HIPK1: variants seen among roughly 807,000 people sequenced by gnomAD.
The protein encoded by HIPK1 is homeodomain-interacting protein kinase 1.
In HIPK1, 28 loss-of-function variants were observed where a neutral mutation model predicts 117.1. The observed-to-expected ratio is 0.24, with a 90% CI of 0.18 to 0.33. The LOEUF (loss-of-function observed/expected upper bound fraction) is 0.33, where lower values mean the gene tolerates loss of function less well. HIPK1 is among the 10% of genes least tolerant of loss of function. HIPK1 has a pLI of 1.00. For synonymous variants in HIPK1, 605 were observed against 562.5 expected (o/e 1.08, Z -1.07); for missense variants, 1,122 against 1,475.1 (o/e 0.76, Z 3.92).
Position 113,976,337 on chromosome 1 carries a change from A to G in HIPK1, c.*2825A>G, listed in dbSNP as rs1673133921. ...TTTGTGTCTCCTTTTTGCCAAGCACATTCTGATTTTCTTGTTGGAACACAG... is the reference window on the plus strand; with the variant it reads ...TTTGTGTCTCCTTTTTGCCAAGCACGTTCTGATTTTCTTGTTGGAACACAG... On this transcript the variant is annotated 3_prime_UTR_variant, in exon 16 of 16. Coordinates refer to ENST00000426820, the MANE Select transcript of HIPK1 (RefSeq NM_198268.3). 1 of 152,342 alleles carries G rather than the reference A, an allele frequency of 6.6e-6. No homozygotes were observed. Among genetic ancestry groups the G allele is most frequent in the South Asian group, 2.1e-4 (1 of 4,834 alleles). 9.4% of individuals were successfully genotyped at this position (152,342 alleles called of 1,614,324 possible).
chr1:113,961,679 C>T (rs1039043968), intron 8 of HIPK1, among the ~76,000 whole-genome samples: 10 of 152,136 alleles, frequency 6.6e-5, no homozygotes, highest in African/African-American at 2.4e-4. Flanking sequence ...GGCACAGTGG[C>T]TCACACCTGT....
intron 13 of HIPK1, among the ~76,000 whole-genome samples, chr1:113,969,593 A>T (rs1244133708): frequency 1.3e-5 from 2 of 152,122 alleles, no homozygotes; most frequent in Admixed American, 1.3e-4. Context: ...CCAGAGACAG[A>T]TCATCTAAGA....
chr1:113,962,810 T>G (rs1672213918), intron 9 of HIPK1, among the ~76,000 whole-genome samples: 1 of 152,198 alleles, frequency 6.6e-6, no homozygotes, highest in Non-Finnish European at 1.5e-5. Flanking sequence ...GCTTCCACTT[T>G]TGCACCCTTT....
At chr1:113,971,688 A>T in intron 14 of HIPK1, 136 bp from the exon 15 acceptor site, 1 of 705,098 alleles carries the variant, frequency 1.4e-6, no homozygotes, top group East Asian at 3.3e-5. Context: ...ATAACAGGTT[A>T]TTTTCTTCTG....
intron 11 of HIPK1, 64 bp from the exon 12 acceptor site, chr1:113,967,700 GTC>G: frequency 8.5e-7 from 1 of 1,172,520 alleles, no homozygotes; most frequent in African/African-American, 1.6e-5. Context: ...TGCTTTTGAT[GTC>G]TGTTTGGTCC....
chr1:113,975,983 T>G lies in HIPK1; in HGVS notation c.*2471T>G, dbSNP rs931186549. 2.6e-5 allele frequency: 4 copies of G among 152,676 alleles called. No homozygotes were observed. The highest frequency in any genetic ancestry group is 5.9e-5 in the Non-Finnish European group (4 of 68,028). The allele number at this position is 152,676 out of a possible 1,614,324, so 9.5% of individuals were successfully genotyped here. A position where few individuals can be genotyped will look rare whatever the true frequency, so the allele number is the denominator to read the frequency against. Reference sequence around the variant, plus strand: ...AAATGATATATTTGAGATATAATTTTAGGACTGGTTCTGTGTAGATAGAGA... The same window carrying G: ...AAATGATATATTTGAGATATAATTTGAGGACTGGTTCTGTGTAGATAGAGA... On this transcript the variant is annotated 3_prime_UTR_variant, in exon 16 of 16. Coordinates refer to ENST00000426820, the MANE Select transcript of HIPK1 (RefSeq NM_198268.3).
chr1:113,972,091 T>TA (rs1350616516), intron 15 of HIPK1, 137 bp downstream of exon 15: 1 of 1,604,806 alleles, frequency 6.2e-7, no homozygotes, highest in Middle Eastern at 1.9e-4. Flanking sequence ...TTCTATGGCT[T>TA]ACGTCGTACC....
chr1:113,947,235 C>T (rs1228120225), intron 2 of HIPK1, among the ~76,000 whole-genome samples: 2 of 152,174 alleles, frequency 1.3e-5, no homozygotes, highest in African/African-American at 4.8e-5. Context: ...TGTAAATGTG[C>T]ACAGACTCCA....
intron 1 of HIPK1, chr1:113,933,146 C>G: frequency 2.0e-6 from 2 of 983,864 alleles, no homozygotes; most frequent in Non-Finnish European, 2.4e-6. Flanking sequence ...GTAGTCATTC[C>G]AAATAAATCT....
chr1:113,959,668 G>A (rs1351800988), intron 8 of HIPK1, among the ~76,000 whole-genome samples: 2 of 152,096 alleles, frequency 1.3e-5, no homozygotes, highest in African/African-American at 4.8e-5. Context: ...AAGTTAGAGG[G>A]GAAAAGTGGG....
Position 113,959,392 on chromosome 1 carries a change from G to A in HIPK1, c.1981+1101G>A, listed in dbSNP as rs954983505. ...GAGCAGAGGGACAGATTCAAAATCC[G>A]TAAATGCACGTTTAGCCTAACTTAC... is the stretch of plus-strand genomic sequence containing the variant. On this transcript the variant is annotated intron_variant, in intron 8 of 15. Transcript: ENST00000426820. Among the ~76,000 whole-genome samples, 8 of 152,240 alleles carry A rather than the reference G, an allele frequency of 5.3e-5. No individual in the cohort carries two copies. In the East Asian group the frequency reaches 5.8e-4, roughly 11 times the overall value.
At chr1:113,966,883 A>C (rs1244428532) in intron 11 of HIPK1, among the ~76,000 whole-genome samples, 1 of 146,022 alleles carries the variant, frequency 6.8e-6, no homozygotes, top group East Asian at 2.0e-4. Context: ...CCTCCCCACT[A>C]GCCCTCCACT....
intron 6 of HIPK1, 63 bp downstream of exon 6, chr1:113,956,874 A>G (rs1024298604): frequency 1.2e-5 from 18 of 1,452,716 alleles, no homozygotes; most frequent in African/African-American, 8.5e-5. Flanking sequence ...CGCCTTATCA[A>G]TGGCACTATC....
chr1:113,940,756 C>A lies in HIPK1; in HGVS notation c.373C>A (p.Arg125=), dbSNP rs945098361. The change falls in exon 2 of 16, where the codon CGA becomes AGA. Residue 125 remains arginine, a synonymous_variant. Coordinates refer to ENST00000426820, the MANE Select transcript of HIPK1 (RefSeq NM_198268.3). ...GCCATATCAAAAATGTGGATTGAAA[C>A]GAAAAAGTGAGGAAGTTGACAGCAA... is the stretch of plus-strand genomic sequence containing the variant. ...LEPYQKCGLK[R]KSEEVDSNGS... The A allele has an allele frequency of 6.2e-7, 1 of 1,613,980 alleles. No homozygotes were observed. The highest frequency in any genetic ancestry group is 8.5e-7 in the Non-Finnish European group (1 of 1,180,012).
In HIPK1 at chr1:113,977,390, C is replaced by T. The variant is rs970897881; in HGVS notation, c.*3878C>T. The T allele has an allele frequency of 1.3e-5, 2 of 152,688 alleles. No individual in the cohort carries two copies. Among genetic ancestry groups the T allele is most frequent in the Non-Finnish European group, 1.5e-5 (1 of 68,032 alleles). 9.5% of individuals were successfully genotyped at this position (152,688 alleles called of 1,614,324 possible). On this transcript the variant is annotated 3_prime_UTR_variant, in exon 16 of 16. Coordinates refer to ENST00000426820, the MANE Select transcript of HIPK1 (RefSeq NM_198268.3). ...TACATTATATGTAATGTTAGTATTTCTGCTTTGAATCCTTGATATTGCAAT... is the reference window on the plus strand; with the variant it reads ...TACATTATATGTAATGTTAGTATTTTTGCTTTGAATCCTTGATATTGCAAT...
chr1:113,967,629 C>T, intron 11 of HIPK1, 137 bp from the exon 12 acceptor site: 1 of 469,602 alleles, frequency 2.1e-6, no homozygotes, highest in Non-Finnish European at 3.7e-6. Context: ...GTTATTAATC[C>T]CTTATCAGAT....
chr1:113,960,723 A>G lies in HIPK1; in HGVS notation c.1982-1594A>G, dbSNP rs1195690496. Among the ~76,000 whole-genome samples the G allele has an allele frequency of 2.6e-5, 4 of 152,196 alleles. No individual in the cohort carries two copies. The East Asian group carries it at 5.8e-4, about 22-fold the overall frequency. Reference sequence around the variant, plus strand: ...TGGCTGGCAACTTTTTAATCTTGATATATGAATTTGTTACTTTTTATTTTT... The same window carrying G: ...TGGCTGGCAACTTTTTAATCTTGATGTATGAATTTGTTACTTTTTATTTTT... On this transcript the variant is annotated intron_variant, in intron 8 of 15. Transcript: ENST00000426820.
chr1:113,943,816 G>A (rs1191035638), intron 2 of HIPK1, among the ~76,000 whole-genome samples: 1 of 151,866 alleles, frequency 6.6e-6, no homozygotes, highest in Non-Finnish European at 1.5e-5. Context: ...TAAAAATATT[G>A]TTTGTTTATT....
At chr1:113,936,471 C>CT (rs999780142) in intron 1 of HIPK1, among the ~76,000 whole-genome samples, 570 of 145,952 alleles carry the variant, frequency 3.9e-3, no homozygotes, top group Middle Eastern at 0.018. Context: ...GTTACGAATC[C>CT]TTTTTTTTTT....
Sources: gnomAD v4.1 joint callset for allele counts (sites outside exome capture counted in the v4.1 genomes callset) on GRCh38, gnomAD v4.1.1 for gene constraint, MANE v1.5 for transcripts, NCBI Gene and HGNC (gene_info 2026-07-23, HGNC 2026-07-21) for gene names.